STX2: variants seen among roughly 807,000 people sequenced by gnomAD.
STX2 encodes the protein syntaxin-2.
In STX2, 27 loss-of-function variants were observed where a neutral mutation model predicts 40.6. That is an observed-to-expected ratio of 0.66 (90% confidence interval 0.49 to 0.92). STX2 has a LOEUF of 0.92. STX2 is among the 40% of genes least tolerant of loss of function. The pLI, the probability that STX2 is intolerant of heterozygous loss-of-function variation, is 0.00. For missense variants in STX2, 328 were observed against 366.1 expected (o/e 0.90, Z 0.85); for synonymous variants, 123 against 119.1 (o/e 1.03, Z -0.22).
chr12:130,824,683 A>G (rs1245845328), intron 2 of STX2, among the ~76,000 whole-genome samples: 1 of 152,170 alleles, frequency 6.6e-6, no homozygotes, highest in Non-Finnish European at 1.5e-5. Flanking sequence ...CACCCTTCAG[A>G]GCACTGTTTT....
intron 3 of STX2, among the ~76,000 whole-genome samples, chr12:130,819,114 C>CG (rs143432432): frequency 0.012 from 1,837 of 152,308 alleles, 27 homozygotes; most frequent in African/African-American, 0.042. Context: ...GTGCTGGGAC[C>CG]GGGGACCCGC....
intron 8 of STX2, among the ~76,000 whole-genome samples, chr12:130,799,956 C>G (rs973484759): frequency 1.4e-4 from 22 of 152,158 alleles, no homozygotes; most frequent in African/African-American, 5.1e-4. Flanking sequence ...CCTATCCTTA[C>G]ACAATCCAGG....
chr12:130,821,806 T>G lies in STX2; in HGVS notation c.106-18A>C, dbSNP rs1449192192. Reference sequence around the variant, plus strand: ...TCCTCCACCTAGGAGAGAGAGAGAGTCATTACAGCATGGCAAACTCAAATC... The same window carrying G: ...TCCTCCACCTAGGAGAGAGAGAGAGGCATTACAGCATGGCAAACTCAAATC... On this transcript the variant is annotated intron_variant, in intron 2 of 10. Coordinates refer to ENST00000392373, the MANE Select transcript of STX2 (RefSeq NM_194356.4). 3 of 1,507,260 alleles carry G rather than the reference T, an allele frequency of 2.0e-6. No individual in the cohort carries two copies. Among genetic ancestry groups the G allele is most frequent in the Non-Finnish European group, 2.8e-6 (3 of 1,085,940 alleles). The allele number at this position is 1,507,260 out of a possible 1,614,324, so 93.4% of individuals were successfully genotyped here.
intron 4 of STX2, among the ~76,000 whole-genome samples, chr12:130,811,355 CT>C (rs1258419343): frequency 1.2e-4 from 8 of 67,456 alleles, no homozygotes; most frequent in African/African-American, 2.1e-4. Flanking sequence ...GAGACTCTGT[CT>C]CAAAAAAAAA....
chr12:130,809,444 ATTAAAT>A (rs1276941222), intron 4 of STX2, among the ~76,000 whole-genome samples: 6 of 152,380 alleles, frequency 3.9e-5, no homozygotes, highest in Admixed American at 1.3e-4. Flanking sequence ...TTAATGCAAA[ATTAAAT>A]TTAAAAAAAT....
At chr12:130,811,023 TG>T (rs1951628143) in intron 4 of STX2, 1 of 152,144 alleles carries the variant, frequency 6.6e-6, no homozygotes, top group Non-Finnish European at 1.5e-5. Flanking sequence ...ATTCAAGAGT[TG>T]AAGGGGAAAG....
intron 10 of STX2, among the ~76,000 whole-genome samples, chr12:130,794,683 T>G (rs964756415): frequency 1.3e-5 from 2 of 152,192 alleles, no homozygotes; most frequent in African/African-American, 4.8e-5. Context: ...ATTTTTTTTT[T>G]TCTGTAGAGA....
chr12:130,805,763 C>T (rs1017313349), intron 6 of STX2, among the ~76,000 whole-genome samples: 9 of 152,152 alleles, frequency 5.9e-5, no homozygotes, highest in South Asian at 2.1e-4. Flanking sequence ...AGGAGATTTA[C>T]AAAAATACTC....
chr12:130,797,215 G>C (rs1017430004), intron 9 of STX2, among the ~76,000 whole-genome samples: 1 of 152,156 alleles, frequency 6.6e-6, no homozygotes, highest in Non-Finnish European at 1.5e-5. Flanking sequence ...TAAAACCAAC[G>C]AACTTTCACT....
chr12:130,794,507 T>C (rs547991410), intron 10 of STX2, among the ~76,000 whole-genome samples: 1 of 152,288 alleles, frequency 6.6e-6, no homozygotes, highest in Non-Finnish European at 1.5e-5. Flanking sequence ...GATATCAATC[T>C]CTTGTTTTGA....
intron 1 of STX2, among the ~76,000 whole-genome samples, chr12:130,830,277 C>A (rs1250523711): frequency 6.6e-6 from 1 of 152,212 alleles, no homozygotes; most frequent in Non-Finnish European, 1.5e-5. Context: ...CAGCGCCACG[C>A]TTCCCTGTGA....
At chr12:130,832,063 C>T (rs1303951889) in intron 1 of STX2, among the ~76,000 whole-genome samples, 1 of 151,968 alleles carries the variant, frequency 6.6e-6, no homozygotes, top group Non-Finnish European at 1.5e-5. Flanking sequence ...CCCAGGCTGG[C>T]CTTGAACTTC....
chr12:130,800,185 G>C (rs996863994), intron 8 of STX2, among the ~76,000 whole-genome samples: 1 of 152,068 alleles, frequency 6.6e-6, no homozygotes, highest in Non-Finnish European at 1.5e-5. Context: ...CTTATTCAAA[G>C]ACAAAGAGCG....
chr12:130,828,862 T>C lies in STX2; in HGVS notation c.31-1595A>G, dbSNP rs1255756293. Among the ~76,000 whole-genome samples, 43 of 111,702 alleles carry C rather than the reference T, an allele frequency of 3.8e-4. 1 individual carries two copies. The highest frequency in any genetic ancestry group is 1.1e-3 in the African/African-American group (41 of 37,078). The allele number at this position is 111,702 out of a possible 152,430, so 73.3% of individuals were successfully genotyped here. On this transcript the variant is annotated intron_variant, in intron 1 of 10. Coordinates refer to ENST00000392373, the MANE Select transcript of STX2 (RefSeq NM_194356.4). ...CAGCCTGGGTGACAGAGCAAGACTCTGTCTCAAAAAAAAAAAAAAGAAAAG... is the reference window on the plus strand; with the variant it reads ...CAGCCTGGGTGACAGAGCAAGACTCCGTCTCAAAAAAAAAAAAAAGAAAAG...
At chr12:130,806,782 C>T in intron 6 of STX2, among the ~76,000 whole-genome samples, 200 bp downstream of exon 6, 1 of 152,204 alleles carries the variant, frequency 6.6e-6, no homozygotes, top group Non-Finnish European at 1.5e-5. Context: ...GCAAGGTAAA[C>T]CCCACCGCTT....
rs140605842 is a variant in STX2, at chr12:130,829,864, T to C, written c.31-2597A>G. ...GGGAGGAGGGGTGGAGAGCTGAAAG[T>C]GAGCTGCAGACGGCCCTTGTGGCCC... On this transcript the variant is annotated intron_variant, in intron 1 of 10. Transcript: ENST00000392373. 2.0e-3 allele frequency among the ~76,000 whole-genome samples: 300 copies of C among 152,196 alleles called. 1 individual carries two copies. The highest frequency in any genetic ancestry group is 7.1e-3 in the African/African-American group (294 of 41,510).
intron 3 of STX2, among the ~76,000 whole-genome samples, chr12:130,821,243 C>G (rs982576736): frequency 1.3e-5 from 2 of 152,184 alleles, no homozygotes; most frequent in African/African-American, 4.8e-5. Context: ...AGCCACTGAG[C>G]GCAGCACAGT....
rs113091340 is a variant in STX2 at position 130,820,590 on chromosome 12, C to T, written c.205+1099G>A. 4.5e-3 allele frequency among the ~76,000 whole-genome samples: 678 copies of T among 152,074 alleles called. 9 individuals carry two copies. The highest frequency in any genetic ancestry group is 0.016 in the African/African-American group (653 of 41,468). The stretch of plus-strand genomic sequence containing the variant: ...CCAAGGCAGAAGAATCGCTTGAACC[C>T]GGGAGGCGGAAGTTGCAGTGAGCCG... On this transcript the variant is annotated intron_variant, in intron 3 of 10. Coordinates refer to ENST00000392373, the MANE Select transcript of STX2 (RefSeq NM_194356.4).
chr12:130,813,795 G>T (rs1010565185), intron 3 of STX2, among the ~76,000 whole-genome samples: 3 of 34,342 alleles, frequency 8.7e-5, no homozygotes, highest in East Asian at 0.011. Flanking sequence ...GTGACCAGAA[G>T]GGAAGGGGGT....
Sources: gnomAD v4.1 joint callset for allele counts (sites outside exome capture counted in the v4.1 genomes callset) on GRCh38, gnomAD v4.1.1 for gene constraint, MANE v1.5 for transcripts, NCBI Gene and HGNC (gene_info 2026-07-23, HGNC 2026-07-21) for gene names.